The following MACC1 variants were observed in gnomAD, a reference collection of about 807,000 sequenced individuals.
MACC1 encodes the protein metastasis-associated in colon cancer protein 1.
MACC1 carries 79 observed loss-of-function variants against 70.7 expected under a neutral mutation model. The observed-to-expected ratio is 1.12, with a 90% confidence interval of 0.93 to 1.35. MACC1 has a LOEUF of 1.35. Ranked by LOEUF, MACC1 falls within the 40% of genes most tolerant of loss-of-function variation. The pLI is 0.00. For synonymous variants in MACC1, 361 were observed against 347.2 expected, an observed-to-expected ratio of 1.04 and a Z score of -0.44; for missense variants, 1,106 against 978.1, an observed-to-expected ratio of 1.13 and a Z score of -1.74.
chr7:20,175,471 T>C (rs1250044258), intron 1 of MACC1, among the ~76,000 whole-genome samples: 1 of 152,112 alleles, frequency 6.6e-6, no homozygotes, highest in Admixed American at 6.5e-5. Context: ...AAAACACTTA[T>C]AGGTTATTTT....
chr7:20,136,170 C>T lies in MACC1; in HGVS notation c.*4776G>A, dbSNP rs1221489196. On this transcript the variant is annotated 3_prime_UTR_variant, in exon 7 of 7. Coordinates refer to ENST00000400331, the MANE Select transcript of MACC1 (RefSeq NM_182762.4). ...TGAGAAAACTGAAGACCAGAGAGGCCAAGTGACAGGTCCACAGTCTCATAG... is the reference window on the plus strand; with the variant it reads ...TGAGAAAACTGAAGACCAGAGAGGCTAAGTGACAGGTCCACAGTCTCATAG... 6.6e-6 allele frequency: 1 copy of T among 152,160 alleles called. No individual in the cohort carries two copies. The highest frequency in any genetic ancestry group is 2.4e-5 in the African/African-American group (1 of 41,444). 9.4% of individuals were successfully genotyped at this position (152,160 alleles called of 1,614,324 possible). A position where few individuals can be genotyped will look rare whatever the true frequency, so the allele number is the denominator to read the frequency against.
intron 1 of MACC1, among the ~76,000 whole-genome samples, chr7:20,171,077 G>GA (rs1782297755): frequency 6.6e-6 from 1 of 152,038 alleles, no homozygotes. Flanking sequence ...GCAGTGACTT[G>GA]AAAAATACTA....
intron 1 of MACC1, among the ~76,000 whole-genome samples, chr7:20,194,469 G>T (rs987506477): frequency 6.6e-6 from 1 of 152,128 alleles, no homozygotes; most frequent in Non-Finnish European, 1.5e-5. Context: ...CTGCCCCCAT[G>T]GCAGATGTGT....
At chr7:20,152,322 CT>C (rs1781992140) in intron 6 of MACC1, among the ~76,000 whole-genome samples, 1 of 152,140 alleles carries the variant, frequency 6.6e-6, no homozygotes, top group Non-Finnish European at 1.5e-5. Context: ...TCTGCACCCC[CT>C]ACCCAGAACT....
intron 6 of MACC1, chr7:20,147,606 G>T (rs1781912188): frequency 6.6e-6 from 1 of 152,182 alleles, no homozygotes; most frequent in Non-Finnish European, 1.5e-5. Context: ...TTGAAGGTAA[G>T]ATTGCTGTTG....
intron 1 of MACC1, among the ~76,000 whole-genome samples, chr7:20,182,338 T>A (rs1310924969): frequency 1.3e-5 from 2 of 151,976 alleles, no homozygotes; most frequent in Non-Finnish European, 2.9e-5. Flanking sequence ...ACTTAAAGTA[T>A]AATAATAATA....
chr7:20,213,291 T>C (rs1583415640), intron 1 of MACC1, among the ~76,000 whole-genome samples: 1 of 152,108 alleles, frequency 6.6e-6, no homozygotes, highest in Admixed American at 6.5e-5. Flanking sequence ...GCTGGTGAGG[T>C]CGTAGAGAAA....
intron 1 of MACC1, among the ~76,000 whole-genome samples, chr7:20,186,293 A>G (rs1188873298): frequency 3.9e-5 from 6 of 152,170 alleles, no homozygotes; most frequent in Admixed American, 3.9e-4. Flanking sequence ...AATGTGAGGT[A>G]TTTATGACCA....
chr7:20,160,071 T>C lies in MACC1; in HGVS notation c.290A>G (p.Lys97Arg). The C allele has an allele frequency of 6.2e-7, 1 of 1,610,702 alleles. No homozygotes were observed. The highest frequency in any genetic ancestry group is 1.1e-5 in the South Asian group (1 of 90,096). The stretch of plus-strand genomic sequence containing the variant: ...TCTACAGAAAAGAAAAGGATCTTCC[T>C]TTAAGATGGAAATATTATTTCTCTT... ...NRKRNNISIL[K>R]EDPFLFCREI... The change falls in exon 5 of 7, where the codon AAG becomes AGG. Residue 97 changes from lysine (K) to arginine (R), a missense_variant. Transcript: ENST00000400331.
intron 1 of MACC1, among the ~76,000 whole-genome samples, chr7:20,199,707 T>G (rs1782805001): frequency 6.6e-6 from 1 of 152,180 alleles, no homozygotes; most frequent in Non-Finnish European, 1.5e-5. Flanking sequence ...GAAGAGGAAC[T>G]CACAGAGGTG....
At chr7:20,155,514 A>T (rs1279519136) in intron 5 of MACC1, among the ~76,000 whole-genome samples, 1 of 152,202 alleles carries the variant, frequency 6.6e-6, no homozygotes, top group East Asian at 1.9e-4. Context: ...TTTGTCAATC[A>T]TGGTTGATGG....
At chr7:20,195,031 A>G (rs1193327504) in intron 1 of MACC1, among the ~76,000 whole-genome samples, 1 of 152,206 alleles carries the variant, frequency 6.6e-6, no homozygotes, top group Non-Finnish European at 1.5e-5. Flanking sequence ...AAAGCCACAT[A>G]TAAGATATTC....
chr7:20,216,394 A>G (rs1783070822), intron 1 of MACC1, among the ~76,000 whole-genome samples: 1 of 152,128 alleles, frequency 6.6e-6, no homozygotes, highest in African/African-American at 2.4e-5. Context: ...GTAAGTGTTT[A>G]CACTTACAAA....
chr7:20,160,078 TG>T lies in MACC1; in HGVS notation c.282del (p.Ile95SerfsTer2). 1 of 1,611,242 alleles carries T rather than the reference TG, an allele frequency of 6.2e-7. No homozygotes were observed. The highest frequency in any genetic ancestry group is 8.5e-7 in the Non-Finnish European group (1 of 1,179,208). The stretch of plus-strand genomic sequence containing the variant: ...AAAAGAAAAGGATCTTCCTTTAAGA[TG>T]GAAATATTATTTCTCTTCCTGTTAT... ...LRNNRKRNNI[S>X]ILKEDPFLFC... On this transcript the variant is annotated frameshift_variant, in exon 5 of 7. Transcript: ENST00000400331. LOFTEE classifies it high-confidence loss of function.
At chr7:20,201,493 G>A (rs372765667) in intron 1 of MACC1, among the ~76,000 whole-genome samples, 1 of 152,178 alleles carries the variant, frequency 6.6e-6, no homozygotes, top group Non-Finnish European at 1.5e-5. Flanking sequence ...GGGCAAGAGG[G>A]AAGGATGCAG....
Position 20,154,282 on chromosome 7 carries a change from G to A in MACC1, c.2257C>T (p.Leu753=), listed in dbSNP as rs780920637. 6.2e-7 allele frequency: 1 copy of A among 1,613,908 alleles called. No homozygotes were observed. Among genetic ancestry groups the A allele is most frequent in the East Asian group, 2.2e-5 (1 of 44,872 alleles). Residue 753 remains leucine (L), a synonymous_variant, in exon 6 of 7, where the codon CTA becomes TTA. Coordinates refer to ENST00000400331, the MANE Select transcript of MACC1 (RefSeq NM_182762.4). ...AVKLGKGWRE[L]AEKLVRLTKQ... is the part of the protein sequence containing the mutation. Reference sequence around the variant, plus strand: ...GTGAGTCGTACTAACTTTTCAGCTAGTTCCCTCCAGCCTTTTCCAAGCTTG... The same window carrying A: ...GTGAGTCGTACTAACTTTTCAGCTAATTCCCTCCAGCCTTTTCCAAGCTTG...
At chr7:20,167,538 G>A (rs549163946) in intron 2 of MACC1, among the ~76,000 whole-genome samples, 1 of 151,492 alleles carries the variant, frequency 6.6e-6, no homozygotes, top group South Asian at 2.1e-4. Context: ...AAGTCTTAGG[G>A]ACATTATATG....
In MACC1 at chr7:20,205,099, GAA is replaced by G. The variant is rs575354381; in HGVS notation, c.-218+12198_-218+12199del. Among the ~76,000 whole-genome samples the G allele has an allele frequency of 4.4e-4, 67 of 151,408 alleles. No homozygotes were observed. The Middle Eastern group carries it at 0.02, about 46-fold the overall frequency. The stretch of plus-strand genomic sequence containing the variant: ...TTAATACAATTTTTTTTTTAGAATG[GAA>G]AAAAACATGAAGAGAAAGTCTCATA... On this transcript the variant is annotated intron_variant, in intron 1 of 6. Coordinates refer to ENST00000400331, the MANE Select transcript of MACC1 (RefSeq NM_182762.4).
chr7:20,181,892 A>C (rs568300679), intron 1 of MACC1, among the ~76,000 whole-genome samples: 210 of 152,296 alleles, frequency 1.4e-3, no homozygotes, highest in Middle Eastern at 3.4e-3. Context: ...AGAATAACTG[A>C]CAGATTATTA....
Sources: gnomAD v4.1 joint callset for allele counts (sites outside exome capture counted in the v4.1 genomes callset) on GRCh38, gnomAD v4.1.1 for gene constraint, MANE v1.5 for transcripts, NCBI Gene and HGNC (gene_info 2026-07-23, HGNC 2026-07-21) for gene names.